RBM47: variants seen among roughly 807,000 people sequenced by gnomAD.
RBM47 encodes RNA binding motif protein 47, also known as RNA-binding protein 47.
A neutral mutation model predicts 47.1 loss-of-function variants in RBM47; 21 were observed. That is an observed-to-expected ratio of 0.45 (90% confidence interval 0.32 to 0.64). RBM47 has a LOEUF of 0.64. Ranked by LOEUF, RBM47 falls within the 30% of genes least tolerant of loss-of-function variation. The pLI, the probability that RBM47 is intolerant of heterozygous loss-of-function variation, is 0.05. For synonymous variants in RBM47, 375 were observed against 361.7 expected (o/e 1.04, Z -0.42); for missense variants, 708 against 870.9 (o/e 0.81, Z 2.35).
intron 2 of RBM47, among the ~76,000 whole-genome samples, chr4:40,487,078 T>C (rs1370304687): frequency 6.6e-6 from 1 of 152,194 alleles, no homozygotes; most frequent in Non-Finnish European, 1.5e-5. Flanking sequence ...TTATTCTCTG[T>C]GCTCCCCCAA....
intron 2 of RBM47, among the ~76,000 whole-genome samples, chr4:40,493,359 A>G (rs577147508): frequency 6.6e-6 from 1 of 152,326 alleles, no homozygotes; most frequent in Admixed American, 6.5e-5. Flanking sequence ...AGGAGGAGGA[A>G]GAAGGCATTC....
At chr4:40,580,702 G>A (rs1251634622) in intron 1 of RBM47, among the ~76,000 whole-genome samples, 1 of 152,136 alleles carries the variant, frequency 6.6e-6, no homozygotes, top group Non-Finnish European at 1.5e-5. Flanking sequence ...CACATATTGA[G>A]GAATGATCCC....
intron 1 of RBM47, among the ~76,000 whole-genome samples, chr4:40,577,458 A>G (rs1732449253): frequency 6.6e-6 from 1 of 152,112 alleles, no homozygotes; most frequent in South Asian, 2.1e-4. Flanking sequence ...TAATAGTTAC[A>G]TGAAGACAGC....
chr4:40,577,058 C>G (rs531750415), intron 1 of RBM47, among the ~76,000 whole-genome samples: 1 of 152,118 alleles, frequency 6.6e-6, no homozygotes, highest in Non-Finnish European at 1.5e-5. Flanking sequence ...CTGGCAGTAA[C>G]GAATCATTAA....
At chr4:40,521,375 A>AT (rs1726176058) in intron 2 of RBM47, among the ~76,000 whole-genome samples, 1 of 151,834 alleles carries the variant, frequency 6.6e-6, no homozygotes. Context: ...TAATTTTTGT[A>AT]TTTTTAGTAG....
intron 3 of RBM47, among the ~76,000 whole-genome samples, chr4:40,448,734 TG>T (rs1324008798): frequency 1.9e-4 from 29 of 152,222 alleles, no homozygotes; most frequent in Non-Finnish European, 4.4e-5. Context: ...CATTTGGCAA[TG>T]TGTGGCACAC....
intron 2 of RBM47, among the ~76,000 whole-genome samples, chr4:40,536,733 T>TA (rs547898712): frequency 2.6e-5 from 4 of 151,800 alleles, no homozygotes; most frequent in Non-Finnish European, 5.9e-5. Context: ...GTTTTTTTTT[T>TA]ATTGTTGTTG....
intron 1 of RBM47, among the ~76,000 whole-genome samples, chr4:40,573,114 T>C (rs1731896136): frequency 6.9e-6 from 1 of 144,078 alleles, no homozygotes; most frequent in African/African-American, 2.7e-5. Flanking sequence ...CATTGCGCCA[T>C]TATACTCCAG....
intron 1 of RBM47, among the ~76,000 whole-genome samples, chr4:40,563,934 A>C (rs1261774387): frequency 5.3e-5 from 8 of 152,260 alleles, no homozygotes; most frequent in Non-Finnish European, 1.2e-4. Flanking sequence ...AAAATAGCCC[A>C]GGTGTGCTGG....
At chr4:40,502,191 G>A (rs1387223970) in intron 2 of RBM47, 2 of 154,328 alleles carry the variant, frequency 1.3e-5, no homozygotes. Context: ...TCTAAAGCAG[G>A]TTGGACTGCC....
intron 1 of RBM47, among the ~76,000 whole-genome samples, chr4:40,601,704 A>G (rs886474548): frequency 6.6e-6 from 1 of 152,136 alleles, no homozygotes; most frequent in African/African-American, 2.4e-5. Flanking sequence ...TATCATGTAT[A>G]CTGTTTGCCA....
chr4:40,555,479 G>A (rs1430249211), intron 1 of RBM47, among the ~76,000 whole-genome samples: 1 of 152,228 alleles, frequency 6.6e-6, no homozygotes, highest in African/African-American at 2.4e-5. Context: ...AAGGAATACT[G>A]CCTGAGATGA....
intron 1 of RBM47, among the ~76,000 whole-genome samples, chr4:40,602,440 G>A (rs995852109): frequency 6.6e-6 from 1 of 151,930 alleles, no homozygotes; most frequent in Non-Finnish European, 1.5e-5. Flanking sequence ...ATGAGGTCAA[G>A]ATATCGAGAC....
At chr4:40,514,846 T>TAA (rs1725380636) in intron 2 of RBM47, 1 of 152,214 alleles carries the variant, frequency 6.6e-6, no homozygotes, top group Admixed American at 6.5e-5. Context: ...CTGGAAGCGT[T>TAA]AGAGCGATTT....
At chr4:40,591,640 G>A (rs1175900679) in intron 1 of RBM47, among the ~76,000 whole-genome samples, 1 of 152,164 alleles carries the variant, frequency 6.6e-6, no homozygotes, top group Non-Finnish European at 1.5e-5. Flanking sequence ...GTTGCAGTGA[G>A]CTGAGATCAC....
At chr4:40,438,998 G>C in intron 3 of RBM47, 74 bp from the exon 4 acceptor site, 2 of 1,317,780 alleles carry the variant, frequency 1.5e-6, no homozygotes, top group African/African-American at 1.5e-5. Flanking sequence ...TCGCAGCCTT[G>C]CAAGTATGCA....
chr4:40,590,515 AC>A (rs1734035126), intron 1 of RBM47, among the ~76,000 whole-genome samples: 1 of 152,086 alleles, frequency 6.6e-6, no homozygotes, highest in African/African-American at 2.4e-5. Flanking sequence ...CTCATCTTGG[AC>A]CCCAGTCTCC....
intron 1 of RBM47, among the ~76,000 whole-genome samples, chr4:40,579,147 G>A (rs980767052): frequency 6.7e-6 from 1 of 149,600 alleles, no homozygotes; most frequent in Non-Finnish European, 1.5e-5. Context: ...ATGCAGCCAG[G>A]CACGGTGGCT....
intron 2 of RBM47, among the ~76,000 whole-genome samples, chr4:40,497,790 A>G (rs1029210344): frequency 1.3e-5 from 2 of 150,596 alleles, no homozygotes; most frequent in Admixed American, 6.6e-5. Context: ...CCTGGGCAAC[A>G]TAGGGAGACC....
Sources: allele counts gnomAD v4.1 joint callset (sites outside exome capture counted in the v4.1 genomes callset), GRCh38; gene constraint gnomAD v4.1.1; transcripts MANE v1.5; gene names NCBI Gene and HGNC (gene_info 2026-07-23, HGNC 2026-07-21).